The following ZNF347 variants were observed in gnomAD, a reference collection of about 807,000 sequenced individuals.
ZNF347 encodes the protein zinc finger protein 347, also known as CTD-2620I22.7.
In ZNF347, 19 loss-of-function variants were observed where a neutral mutation model predicts 12.9. The observed-to-expected ratio is 1.47, with a 90% CI of 1.03 to 2.16. The LOEUF is 2.16. Among genes scored for constraint, ZNF347 ranks in the 30% most tolerant of loss-of-function variants. The probability of loss-of-function intolerance (pLI) is 0.00; values close to 1 mark genes in which losing one functional copy is unlikely to be tolerated. For synonymous variants in ZNF347, 328 were observed against 340.6 expected, an observed-to-expected ratio of 0.96 and a Z score of 0.41; for missense variants, 1,005 against 990.6, an observed-to-expected ratio of 1.01 and a Z score of -0.19.
chr19:53,150,900 C>A (rs774052484), intron 2 of ZNF347, among the ~76,000 whole-genome samples: 1 of 152,082 alleles, frequency 6.6e-6, no homozygotes, highest in Non-Finnish European at 1.5e-5. Flanking sequence ...CCACCACACC[C>A]GGCTAATTTT....
chr19:53,158,037 G>A (rs2090546671), intron 1 of ZNF347, among the ~76,000 whole-genome samples: 1 of 152,066 alleles, frequency 6.6e-6, no homozygotes, highest in Admixed American at 6.6e-5. Flanking sequence ...CTCTGTCTCT[G>A]CCCCTTTCTC....
Position 53,141,203 on chromosome 19 carries a change from A to G in ZNF347, c.1625T>C (p.Met542Thr), listed in dbSNP as rs187965394. 413 of 1,596,728 alleles carry G rather than the reference A, an allele frequency of 2.6e-4. 3 individuals are homozygous for G. In the East Asian group the frequency reaches 4.0e-3, roughly 15 times the overall value. ...QRIHTGVKPY[M>T]CNECGKAFSV... ...GAAGGCTTTGCCGCACTCATTACACATATAAGGCTTCACTCCAGTATGAAT... is the reference window on the plus strand; with the variant it reads ...GAAGGCTTTGCCGCACTCATTACACGTATAAGGCTTCACTCCAGTATGAAT... The change falls in exon 5 of 5, where the codon ATG (methionine) becomes ACG (threonine). Residue 542 changes from methionine (M) to threonine (T), a missense_variant. By Grantham distance (81) the Met-to-Thr change is moderately conservative. Coordinates refer to ENST00000334197, the MANE Select transcript of ZNF347 (RefSeq NM_032584.3).
intron 1 of ZNF347, among the ~76,000 whole-genome samples, chr19:53,155,340 T>G (rs959286822): frequency 1.9e-4 from 27 of 142,072 alleles, no homozygotes; most frequent in African/African-American, 6.9e-4. Flanking sequence ...GTGTGTTTGT[T>G]TTTTGTTTTT....
intron 1 of ZNF347, among the ~76,000 whole-genome samples, chr19:53,154,976 C>T (rs1387110298): frequency 2.0e-5 from 3 of 150,958 alleles, no homozygotes; most frequent in East Asian, 1.9e-4. Flanking sequence ...TCACTCTTGT[C>T]ACCCAGGCTG....
rs556105931 is a variant in ZNF347, at chr19:53,136,234, TTCCTATTTAC to T, written c.*4064_*4073del. 184 of 151,280 alleles carry T rather than the reference TTCCTATTTAC, an allele frequency of 1.2e-3. No individual in the cohort carries two copies. The highest frequency in any genetic ancestry group is 4.3e-3 in the African/African-American group (176 of 41,196). The allele number at this position is 151,280 out of a possible 1,614,324, so 9.4% of individuals were successfully genotyped here. On this transcript the variant is annotated 3_prime_UTR_variant, in exon 5 of 5. Transcript: ENST00000334197. The stretch of plus-strand genomic sequence containing the variant: ...TAAAGATTTACAAGGACACTCCATT[TTCCTATTTAC>T]AGAGAACCTAGTCTGTACCTGCCAT...
At chr19:53,149,601 A>G (rs1312003698) in intron 2 of ZNF347, 7 of 698,822 alleles carry the variant, frequency 1.0e-5, no homozygotes, top group Non-Finnish European at 1.4e-5. Flanking sequence ...GGAGGCCCCA[A>G]GATAGTTTCA....
At chr19:53,150,864 C>G (rs892487655) in intron 2 of ZNF347, among the ~76,000 whole-genome samples, 9 of 152,118 alleles carry the variant, frequency 5.9e-5, no homozygotes, top group Admixed American at 2.0e-4. Flanking sequence ...CTCAGCCTCC[C>G]AAGTAGCTGG....
chr19:53,158,865 C>A (rs973972028), intron 1 of ZNF347, 144 bp downstream of exon 1: 3 of 149,188 alleles, frequency 2.0e-5, no homozygotes, highest in Non-Finnish European at 3.0e-5. Flanking sequence ...CCATTGCACT[C>A]CAGCCTGGAC....
intron 2 of ZNF347, among the ~76,000 whole-genome samples, chr19:53,152,198 A>T (rs1361447819): frequency 6.6e-6 from 1 of 151,938 alleles, no homozygotes. Context: ...TAAAACATCC[A>T]CTCTGTCCTC....
chr19:53,152,369 G>C (rs2090504283), intron 2 of ZNF347, among the ~76,000 whole-genome samples: 1 of 152,032 alleles, frequency 6.6e-6, no homozygotes, highest in South Asian at 2.1e-4. Flanking sequence ...CGTTTTGGGA[G>C]GCCAAGGTGG....
intron 3 of ZNF347, 77 bp downstream of exon 3, chr19:53,149,164 G>C: frequency 1.3e-6 from 2 of 1,586,396 alleles, no homozygotes; most frequent in Non-Finnish European, 8.5e-7. Context: ...CAATGCATGA[G>C]CTCCCAGGAG....
At chr19:53,146,571 TA>T (rs1320095119) in intron 4 of ZNF347, among the ~76,000 whole-genome samples, 4 of 152,162 alleles carry the variant, frequency 2.6e-5, no homozygotes, top group Non-Finnish European at 5.9e-5. Context: ...GCACCATGCC[TA>T]GCTTGAAAAG....
At chr19:53,152,071 T>C (rs376835184) in intron 2 of ZNF347, among the ~76,000 whole-genome samples, 30 of 115,108 alleles carry the variant, frequency 2.6e-4, no homozygotes, top group Admixed American at 4.2e-4. Context: ...CCAGCCTGGG[T>C]GACAGAGTGA....
intron 4 of ZNF347, among the ~76,000 whole-genome samples, chr19:53,145,570 T>C (rs1356126297): frequency 6.6e-6 from 1 of 151,550 alleles, no homozygotes; most frequent in Non-Finnish European, 1.5e-5. Context: ...TTTTTGTATA[T>C]TTTACCAAGA....
rs2090382771 is a variant in ZNF347, at chr19:53,135,369, A to AG, written c.*4938_*4939insC. ...AGAGAGAGAGAGAGAGAGAGAGAGA[A>AG]AGAGAGAGAGAGAGAGAGAGAGAGA... is the stretch of plus-strand genomic sequence containing the variant. On this transcript the variant is annotated 3_prime_UTR_variant, in exon 5 of 5. Coordinates refer to ENST00000334197, the MANE Select transcript of ZNF347 (RefSeq NM_032584.3). 3.0e-4 allele frequency: 26 copies of AG among 87,880 alleles called. No individual in the cohort carries two copies. Among genetic ancestry groups the AG allele is most frequent in the African/African-American group, 1.0e-3 (23 of 22,118 alleles). The allele number at this position is 87,880 out of a possible 1,614,324, so 5.4% of individuals were successfully genotyped here. A position where few individuals can be genotyped will look rare whatever the true frequency, so the allele number is the denominator to read the frequency against.
chr19:53,145,163 C>A (rs550340856), intron 4 of ZNF347, among the ~76,000 whole-genome samples: 4 of 151,748 alleles, frequency 2.6e-5, no homozygotes, highest in African/African-American at 9.7e-5. Flanking sequence ...TGGTGGCACA[C>A]GCCTATAATC....
chr19:53,149,416 T>A (rs372468656), intron 2 of ZNF347, 49 bp from the exon 3 acceptor site: 2 of 1,610,336 alleles, frequency 1.2e-6, no homozygotes, highest in African/African-American at 2.7e-5. Context: ...AAAGCTCCAA[T>A]CTTCACATAA....
At chr19:53,157,760 A>T (rs770117054) in intron 1 of ZNF347, among the ~76,000 whole-genome samples, 4 of 151,924 alleles carry the variant, frequency 2.6e-5, no homozygotes, top group Non-Finnish European at 5.9e-5. Context: ...CTGTCCCAGC[A>T]CCACGCTGCT....
At position 53,140,822 on chromosome 19, in the gene ZNF347, G is replaced by A; in HGVS notation, c.2006C>T (p.Ala669Val). ...TCCAGTATGAACTCTCCGATGTCTT[G>A]CAAGGTGTGAATTCTGAGTGAAGAC... ...GKVFTQNSHL[A>V]RHRRVHTGGK... The change falls in exon 5 of 5, where the codon GCA (alanine) becomes GTA (valine). Residue 669 changes from alanine (A) to valine (V), a missense_variant. By Grantham distance (64) the Ala-to-Val change is moderately conservative. Coordinates refer to ENST00000334197, the MANE Select transcript of ZNF347 (RefSeq NM_032584.3). 6.2e-7 allele frequency: 1 copy of A among 1,613,904 alleles called. No homozygotes were observed. Among genetic ancestry groups the A allele is most frequent in the Non-Finnish European group, 8.5e-7 (1 of 1,179,886 alleles).
Sources: allele counts gnomAD v4.1 joint callset (sites outside exome capture counted in the v4.1 genomes callset), GRCh38; gene constraint gnomAD v4.1.1; transcripts MANE v1.5; gene names NCBI Gene and HGNC (gene_info 2026-07-23, HGNC 2026-07-21).